The following SPON1 variants were observed in gnomAD, a reference collection of about 807,000 sequenced individuals.
The protein encoded by SPON1 is spondin 1, also known as spondin-1.
SPON1 carries 52 observed loss-of-function variants against 111.7 expected under a neutral mutation model. The observed-to-expected ratio is 0.47, with a 90% confidence interval of 0.37 to 0.59. The LOEUF (loss-of-function observed/expected upper bound fraction) is 0.59, where lower values mean the gene tolerates loss of function less well. SPON1 is among the 20% of genes least tolerant of loss of function. The probability of loss-of-function intolerance (pLI) is 0.00; values close to 1 mark genes in which losing one functional copy is unlikely to be tolerated. For synonymous variants in SPON1, 410 were observed against 395.8 expected (o/e 1.04, Z -0.43); for missense variants, 957 against 1,068.5 (o/e 0.90, Z 1.46).
chr11:14,164,537 C>T (rs1307409895), intron 6 of SPON1, among the ~76,000 whole-genome samples: 5 of 152,070 alleles, frequency 3.3e-5, no homozygotes, highest in African/African-American at 1.2e-4. Flanking sequence ...AAAAATAAAC[C>T]CGTTCTAAGC....
intron 5 of SPON1, among the ~76,000 whole-genome samples, chr11:14,124,247 A>G (rs1467065982): frequency 3.3e-5 from 5 of 152,028 alleles, no homozygotes; most frequent in African/African-American, 1.2e-4. Context: ...ACATATCTCT[A>G]GCTTTTTCTT....
intron 6 of SPON1, among the ~76,000 whole-genome samples, chr11:14,223,087 G>A (rs542577818): frequency 7.9e-5 from 12 of 152,312 alleles, no homozygotes; most frequent in South Asian, 2.1e-4. Context: ...AAAGTGGGCC[G>A]AGCATGGTGG....
At chr11:14,035,302 A>G (rs1369885718) in intron 2 of SPON1, among the ~76,000 whole-genome samples, 1 of 152,182 alleles carries the variant, frequency 6.6e-6, no homozygotes, top group African/African-American at 2.4e-5. Flanking sequence ...TAGCTCTGCC[A>G]TTCTGGGACT....
At chr11:14,244,695 C>G (rs189810454) in intron 7 of SPON1, among the ~76,000 whole-genome samples, 1 of 149,546 alleles carries the variant, frequency 6.7e-6, no homozygotes, top group Non-Finnish European at 1.5e-5. Context: ...AGCAGTGAGC[C>G]GTGATCGCAC....
At chr11:13,988,830 G>T (rs960186196) in intron 2 of SPON1, among the ~76,000 whole-genome samples, 1 of 152,144 alleles carries the variant, frequency 6.6e-6, no homozygotes, top group Non-Finnish European at 1.5e-5. Flanking sequence ...CATTGGTTCT[G>T]TTTATGTGAT....
At chr11:14,087,584 A>AT (rs527347417) in intron 5 of SPON1, among the ~76,000 whole-genome samples, 120 of 152,304 alleles carry the variant, frequency 7.9e-4, no homozygotes, top group African/African-American at 2.7e-3. Context: ...CAATTTTAGA[A>AT]TAAGTGCTAA....
In SPON1 at chr11:13,977,656, TC is replaced by T. The variant is rs782455535; in HGVS notation, c.239-5190del. ...ACTTGCTTCTTCACTCTTAATGGTA[TC>T]TTTTGATGAGCAAAAGTTTGATATC... On this transcript the variant is annotated intron_variant, in intron 1 of 15. Coordinates refer to ENST00000576479, the MANE Select transcript of SPON1 (RefSeq NM_006108.4). 1.2e-4 allele frequency among the ~76,000 whole-genome samples: 18 copies of T among 152,324 alleles called. No homozygotes were observed. The East Asian group carries it at 3.3e-3, about 28-fold the overall frequency.
intron 3 of SPON1, among the ~76,000 whole-genome samples, chr11:14,060,657 G>T (rs1848784821): frequency 6.6e-6 from 1 of 152,172 alleles, no homozygotes; most frequent in Non-Finnish European, 1.5e-5. Context: ...ATCTGTCTGG[G>T]GTGGAATTAG....
At chr11:14,035,779 G>A (rs543084642) in intron 2 of SPON1, among the ~76,000 whole-genome samples, 43 of 152,082 alleles carry the variant, frequency 2.8e-4, no homozygotes, top group African/African-American at 8.2e-4. Flanking sequence ...CATCACAGCT[G>A]GCTAATTTTT....
intron 3 of SPON1, among the ~76,000 whole-genome samples, chr11:14,062,564 G>C (rs782263794): frequency 6.6e-5 from 10 of 152,120 alleles, no homozygotes; most frequent in Admixed American, 1.3e-4. Flanking sequence ...AATCCAAATT[G>C]GCAGGAGAGT....
In SPON1 at chr11:14,062,109, C is replaced by T. The variant is rs79096885; in HGVS notation, c.480-13236C>T. Among the ~76,000 whole-genome samples, 1,053 of 150,416 alleles carry T rather than the reference C, an allele frequency of 7.0e-3. 23 individuals carry two copies. The highest frequency in any genetic ancestry group is 0.025 in the African/African-American group (1,009 of 40,846). Reference sequence around the variant, plus strand: ...TGCTCTAGACAATTGTCCATTGCTCCGGACCTACACCTGTGTAAGTGACTC... The same window carrying T: ...TGCTCTAGACAATTGTCCATTGCTCTGGACCTACACCTGTGTAAGTGACTC... On this transcript the variant is annotated intron_variant, in intron 3 of 15. Transcript: ENST00000576479.
chr11:14,026,483 C>T (rs1848518980), intron 2 of SPON1, among the ~76,000 whole-genome samples: 1 of 152,170 alleles, frequency 6.6e-6, no homozygotes, highest in African/African-American at 2.4e-5. Context: ...ATCTGACATG[C>T]TTTTACGTCC....
intron 3 of SPON1, among the ~76,000 whole-genome samples, chr11:14,048,711 T>C (rs992183659): frequency 1.3e-5 from 2 of 152,114 alleles, no homozygotes; most frequent in Non-Finnish European, 2.9e-5. Context: ...CAAGTAGCGA[T>C]TGATTAAAAG....
At chr11:14,140,193 A>G (rs1453811887) in intron 6 of SPON1, among the ~76,000 whole-genome samples, 2 of 152,104 alleles carry the variant, frequency 1.3e-5, no homozygotes. Flanking sequence ...TTTCCAATCC[A>G]CGTCTGCTTC....
intron 5 of SPON1, among the ~76,000 whole-genome samples, chr11:14,128,567 T>C (rs73424129): frequency 0.011 from 1,699 of 152,320 alleles, 30 homozygotes; most frequent in African/African-American, 0.039. Context: ...CCCATAGCTT[T>C]TCCAGGTACA....
chr11:14,134,536 T>C (rs1847568301), intron 5 of SPON1, among the ~76,000 whole-genome samples: 1 of 152,204 alleles, frequency 6.6e-6, no homozygotes, highest in South Asian at 2.1e-4. Context: ...CTTCCACATA[T>C]CCAAACTGTC....
intron 2 of SPON1, among the ~76,000 whole-genome samples, chr11:14,026,049 C>G (rs74564815): frequency 0.039 from 5,974 of 152,294 alleles, 126 homozygotes; most frequent in Non-Finnish European, 0.047. Context: ...CATCTCATGT[C>G]CACTGCTTCT....
chr11:14,124,919 T>G (rs1482176742), intron 5 of SPON1, among the ~76,000 whole-genome samples: 1 of 152,232 alleles, frequency 6.6e-6, no homozygotes, highest in Non-Finnish European at 1.5e-5. Flanking sequence ...AGTGGCACTT[T>G]CCTTGAGGCC....
At chr11:14,144,714 T>C (rs1337759848) in intron 6 of SPON1, among the ~76,000 whole-genome samples, 1 of 151,852 alleles carries the variant, frequency 6.6e-6, no homozygotes, top group Non-Finnish European at 1.5e-5. Context: ...TGAGTAAATT[T>C]GATTTCTAAA....
Sources: gnomAD v4.1 joint callset for allele counts (sites outside exome capture counted in the v4.1 genomes callset) on GRCh38, gnomAD v4.1.1 for gene constraint, MANE v1.5 for transcripts, NCBI Gene and HGNC (gene_info 2026-07-23, HGNC 2026-07-21) for gene names.